RASSF4: variants seen among roughly 807,000 people sequenced by gnomAD.
RASSF4 encodes the protein ras association domain-containing protein 4.
A neutral mutation model predicts 41.1 loss-of-function variants in RASSF4; 38 were observed. That is an observed-to-expected ratio of 0.92 (90% CI 0.71 to 1.21). The LOEUF (loss-of-function observed/expected upper bound fraction) is 1.21, where lower values mean the gene tolerates loss of function less well. Among genes scored for constraint, RASSF4 ranks in the 50% most tolerant of loss-of-function variants. The probability of loss-of-function intolerance (pLI) is 0.00; values close to 1 mark genes in which losing one functional copy is unlikely to be tolerated. For synonymous variants in RASSF4, 179 were observed against 163.4 expected, an observed-to-expected ratio of 1.10 and a Z score of -0.73; for missense variants, 414 against 419.4, an observed-to-expected ratio of 0.99 and a Z score of 0.11.
chr10:44,982,933 G>A (rs910414496), intron 4 of RASSF4: 95 of 679,008 alleles, frequency 1.4e-4, no homozygotes, highest in Middle Eastern at 9.5e-4. Context: ...AAGAAGGGAC[G>A]ACTACAGCCA....
chr10:44,984,334 A>G (rs1455346823), intron 5 of RASSF4: 16 of 582,080 alleles, frequency 2.7e-5, no homozygotes, highest in Admixed American at 9.3e-5. Context: ...GGTGACAGTG[A>G]CAGTGTGGGG....
chr10:44,967,293 C>T (rs1215849789), intron 1 of RASSF4, among the ~76,000 whole-genome samples: 1 of 152,184 alleles, frequency 6.6e-6, no homozygotes, highest in Non-Finnish European at 1.5e-5. Context: ...GCTCTTAAAG[C>T]TGCTGGCCTG....
At chr10:44,988,371 A>G (rs1461608335) in intron 6 of RASSF4, among the ~76,000 whole-genome samples, 1 of 152,208 alleles carries the variant, frequency 6.6e-6, no homozygotes, top group African/African-American at 2.4e-5. Flanking sequence ...GGACGGACCT[A>G]TTATGTGTCA....
rs1842226997 is a variant in RASSF4, at chr10:44,994,420, T to C, written c.*1091T>C. 6.6e-6 allele frequency: 1 copy of C among 152,670 alleles called. No homozygotes were observed. The highest frequency in any genetic ancestry group is 1.5e-5 in the Non-Finnish European group (1 of 68,054). 9.5% of individuals were successfully genotyped at this position (152,670 alleles called of 1,614,324 possible). A position where few individuals can be genotyped will look rare whatever the true frequency, so the allele number is the denominator to read the frequency against. ...CAAATTATTCTCCTGTTGAGGTCCG[T>C]GGATGGCAGATTTAAAGGGAAGAAC... On this transcript the variant is annotated 3_prime_UTR_variant, in exon 11 of 11. Transcript: ENST00000340258.
In RASSF4 at chr10:44,989,719, G is replaced by A; in HGVS notation, c.683G>A (p.Gly228Glu). The A allele has an allele frequency of 6.2e-7, 1 of 1,613,954 alleles. No individual in the cohort carries two copies. Among genetic ancestry groups the A allele is most frequent in the Non-Finnish European group, 8.5e-7 (1 of 1,179,846 alleles). Residue 228 changes from glycine (G) to glutamate (E), a missense_variant and splice_region_variant, in exon 8 of 11, where the codon GGG (glycine) becomes GAG (glutamate). Coordinates refer to ENST00000340258, the MANE Select transcript of RASSF4 (RefSeq NM_032023.4). Reference protein sequence around the residue: ...EFALYIVHESGERTKLKDCEY... With the variant: ...EFALYIVHESEERTKLKDCEY... ...GCACTCTACATCGTTCACGAGTCTG[G>A]GGGTAAGTACCTGCCCCACTTCTGG...
At chr10:44,976,353 C>T (rs988133568) in intron 3 of RASSF4, 1 of 152,220 alleles carries the variant, frequency 6.6e-6, no homozygotes, top group African/African-American at 2.4e-5. Flanking sequence ...TTTAACAAAT[C>T]CAAAGCAATT....
chr10:44,978,880 AAT>A (rs1220549881), intron 3 of RASSF4: 1 of 152,260 alleles, frequency 6.6e-6, no homozygotes, highest in Non-Finnish European at 1.5e-5. Context: ...GAGGGCCAAA[AAT>A]AGCCTGCTCG....
At chr10:44,971,396 G>C (rs1349014569) in intron 2 of RASSF4, 1 of 436,238 alleles carries the variant, frequency 2.3e-6, no homozygotes, top group Non-Finnish European at 4.6e-6. Context: ...AAAAGCAAGA[G>C]GCTGTACAAT....
chr10:44,970,025 T>C lies in RASSF4; in HGVS notation c.-38-140T>C, dbSNP rs1390586997. ...GGCCATGTGGGTCTGGGCCAGACCC[T>C]TTCAGCCGCAGCCACCTTGTGCCAA... On this transcript the variant is annotated intron_variant, in intron 1 of 10. Transcript: ENST00000340258. 4.8e-6 allele frequency: 3 copies of C among 628,036 alleles called. No individual in the cohort carries two copies. In the East Asian group the frequency reaches 8.1e-5, roughly 17 times the overall value. 38.9% of individuals were successfully genotyped at this position (628,036 alleles called of 1,614,324 possible). A position where few individuals can be genotyped will look rare whatever the true frequency, so the allele number is the denominator to read the frequency against.
rs1841823008 is a variant in RASSF4 at position 44,984,054 on chromosome 10, CA to C, written c.315del (p.Ala106ProfsTer31). ...CCATCGCCCCAGAACGGGAACATCA[CA>C]GCCCAGGGGCCAAGCATTCAGCCAG... ...KEPSPQNGNI[T>X]AQGPSIQPVH... On this transcript the variant is annotated frameshift_variant, in exon 5 of 11. Coordinates refer to ENST00000340258, the MANE Select transcript of RASSF4 (RefSeq NM_032023.4). LOFTEE classifies it high-confidence loss of function. The C allele has an allele frequency of 6.2e-7, 1 of 1,606,564 alleles. No homozygotes were observed. Among genetic ancestry groups the C allele is most frequent in the Non-Finnish European group, 8.5e-7 (1 of 1,176,782 alleles).
chr10:44,994,159 TCTC>T lies in RASSF4; in HGVS notation c.*834_*836del, dbSNP rs1249993083. On this transcript the variant is annotated 3_prime_UTR_variant, in exon 11 of 11. Coordinates refer to ENST00000340258, the MANE Select transcript of RASSF4 (RefSeq NM_032023.4). ...CTTGCCTTTTCTGGGCTTGCGTTTC[TCTC>T]CTCTAGTGGGTGGGGATGACTTTCA... is the stretch of plus-strand genomic sequence containing the variant. 6.6e-6 allele frequency: 1 copy of T among 152,282 alleles called. No individual in the cohort carries two copies. The highest frequency in any genetic ancestry group is 2.4e-5 in the African/African-American group (1 of 41,442). The allele number at this position is 152,282 out of a possible 1,614,324, so 9.4% of individuals were successfully genotyped here.
rs1717366239 is a variant in RASSF4 at position 44,959,881 on chromosome 10, A to C, written c.-39+15A>C. 1 of 152,370 alleles carries C rather than the reference A, an allele frequency of 6.6e-6. No homozygotes were observed. The highest frequency in any genetic ancestry group is 6.5e-5 in the Admixed American group (1 of 15,288). The allele number at this position is 152,370 out of a possible 1,614,324, so 9.4% of individuals were successfully genotyped here. A position where few individuals can be genotyped will look rare whatever the true frequency, so the allele number is the denominator to read the frequency against. ...ATGACTGGACGGTGAGTGATGAACG[A>C]GCAGGAGAGTGCTTGGGCGTCCATG... On this transcript the variant is annotated intron_variant, in intron 1 of 10. Coordinates refer to ENST00000340258, the MANE Select transcript of RASSF4 (RefSeq NM_032023.4).
In RASSF4 at chr10:44,983,850, C is replaced by T. The variant is rs1040718749; in HGVS notation, c.282-172C>T. ...AGCAGATGCTGGGGGGAGGCCTCTA[C>T]TTTTCTTTTATTGTTTCAGACTGAC... On this transcript the variant is annotated intron_variant, in intron 4 of 10. Transcript: ENST00000340258. The T allele has an allele frequency of 1.5e-5, 18 of 1,227,468 alleles. No individual in the cohort carries two copies. In the African/African-American group the frequency reaches 2.6e-4, roughly 18 times the overall value. The allele number at this position is 1,227,468 out of a possible 1,614,324, so 76.0% of individuals were successfully genotyped here. A position where few individuals can be genotyped will look rare whatever the true frequency, so the allele number is the denominator to read the frequency against.
intron 3 of RASSF4, among the ~76,000 whole-genome samples, chr10:44,972,888 A>C (rs556517652): frequency 1.3e-5 from 2 of 152,322 alleles, no homozygotes; most frequent in African/African-American, 4.8e-5. Context: ...GGCCAGAGCT[A>C]GCCCAGGCAT....
chr10:44,973,748 G>A (rs1018718056), intron 3 of RASSF4, among the ~76,000 whole-genome samples: 9 of 152,218 alleles, frequency 5.9e-5, no homozygotes, highest in Non-Finnish European at 7.3e-5. Flanking sequence ...GCAGGGGCGC[G>A]GGAGCGGGAA....
Position 44,993,654 on chromosome 10 carries a change from T to C in RASSF4, c.*325T>C. 3.3e-6 allele frequency: 1 copy of C among 303,358 alleles called. No individual in the cohort carries two copies. 18.8% of individuals were successfully genotyped at this position (303,358 alleles called of 1,614,324 possible). The stretch of plus-strand genomic sequence containing the variant: ...CCCCTGCGGCTTAGGCTTCATCTGC[T>C]TGCACATTGCCTGTCCCAGAGCCCC... On this transcript the variant is annotated 3_prime_UTR_variant, in exon 11 of 11. Coordinates refer to ENST00000340258, the MANE Select transcript of RASSF4 (RefSeq NM_032023.4).
intron 2 of RASSF4, chr10:44,971,449 A>T (rs779735354): frequency 2.2e-5 from 12 of 541,904 alleles, no homozygotes; most frequent in Non-Finnish European, 3.9e-5. Context: ...GAAGCAACGC[A>T]GGTGGAGGGC....
At chr10:44,975,675 A>G (rs1448000456) in intron 3 of RASSF4, among the ~76,000 whole-genome samples, 2 of 149,064 alleles carry the variant, frequency 1.3e-5, no homozygotes, top group Non-Finnish European at 3.0e-5. Flanking sequence ...AGGGAAAGGA[A>G]TTCCCCTGGG....
intron 3 of RASSF4, chr10:44,978,872 G>C (rs1210637954): frequency 6.6e-6 from 1 of 152,236 alleles, no homozygotes; most frequent in Non-Finnish European, 1.5e-5. Flanking sequence ...ACTGTCACGA[G>C]GGCCAAAAAT....
Sources: allele counts gnomAD v4.1 joint callset (sites outside exome capture counted in the v4.1 genomes callset), GRCh38; gene constraint gnomAD v4.1.1; transcripts MANE v1.5; gene names NCBI Gene and HGNC (gene_info 2026-07-23, HGNC 2026-07-21).